The following NECTIN3 variants were observed in gnomAD, a reference collection of about 807,000 sequenced individuals.
The protein encoded by NECTIN3 is nectin cell adhesion molecule 3, also known as nectin-3.
Under a neutral mutation model 49.4 loss-of-function variants are expected in NECTIN3, and 8 were observed. The observed-to-expected ratio is 0.16, with a 90% CI of 0.10 to 0.29. The LOEUF (loss-of-function observed/expected upper bound fraction) is 0.29, where lower values mean the gene tolerates loss of function less well. NECTIN3 is among the 10% of genes least tolerant of loss of function. The pLI, the probability that NECTIN3 is intolerant of heterozygous loss-of-function variation, is 1.00. For missense variants in NECTIN3, 581 were observed against 654.6 expected (o/e 0.89, Z 1.23); for synonymous variants, 277 against 241.1 (o/e 1.15, Z -1.38).
intron 1 of NECTIN3, among the ~76,000 whole-genome samples, chr3:111,085,152 T>C (rs1282678071): frequency 6.6e-6 from 1 of 152,248 alleles, no homozygotes; most frequent in African/African-American, 2.4e-5. Flanking sequence ...GCTACCCCAC[T>C]CAGGTATGAC....
At chr3:111,102,525 G>A (rs193052374) in intron 1 of NECTIN3, among the ~76,000 whole-genome samples, 5 of 152,294 alleles carry the variant, frequency 3.3e-5, no homozygotes, top group Non-Finnish European at 1.5e-5. Context: ...CCTTCTTCAC[G>A]CCTCCACTCA....
chr3:111,136,540 ATG>A lies in NECTIN3; in HGVS notation c.*2327_*2328del, dbSNP rs1421375890. ...TTGCACTGTTGTTTATTAGAACTTTATGTATATTTACTGTACATAGAGACTTG... is the reference window on the plus strand; with the variant it reads ...TTGCACTGTTGTTTATTAGAACTTTATATATTTACTGTACATAGAGACTTG... On this transcript the variant is annotated 3_prime_UTR_variant, in exon 6 of 6. Coordinates refer to ENST00000485303, the MANE Select transcript of NECTIN3 (RefSeq NM_015480.3). 1.0e-6 allele frequency: 1 copy of A among 961,260 alleles called. No homozygotes were observed. The highest frequency in any genetic ancestry group is 1.2e-4 in the East Asian group (1 of 8,692). 59.5% of individuals were successfully genotyped at this position (961,260 alleles called of 1,614,324 possible).
chr3:111,091,566 T>C (rs2032276035), intron 1 of NECTIN3, among the ~76,000 whole-genome samples: 1 of 152,194 alleles, frequency 6.6e-6, no homozygotes. Context: ...TGTGTAGTCT[T>C]TTGTATCTGT....
chr3:111,189,008 C>T (rs2035769666), upstream of NECTIN3, among the ~76,000 whole-genome samples: 1 of 152,154 alleles, frequency 6.6e-6, no homozygotes, highest in Admixed American at 6.6e-5. Context: ...AAGGAATAGT[C>T]AAGGACTATG....
chr3:111,153,803 A>G (rs1394810389), intron 7 of NECTIN3, among the ~76,000 whole-genome samples: 1 of 152,044 alleles, frequency 6.6e-6, no homozygotes, highest in Non-Finnish European at 1.5e-5. Flanking sequence ...GATTCATAGT[A>G]GTGTTTAGTT....
At chr3:111,107,305 T>A (rs2033227014) in intron 1 of NECTIN3, among the ~76,000 whole-genome samples, 1 of 152,208 alleles carries the variant, frequency 6.6e-6, no homozygotes, top group Non-Finnish European at 1.5e-5. Context: ...ATGGTTGTAG[T>A]GTTTTTGTGG....
intron 1 of NECTIN3, among the ~76,000 whole-genome samples, chr3:111,089,107 G>A (rs879932607): frequency 3.3e-5 from 5 of 151,954 alleles, no homozygotes; most frequent in Non-Finnish European, 5.9e-5. Flanking sequence ...TTTTCTTATC[G>A]TCTTTTTAAT....
intron 5 of NECTIN3, among the ~76,000 whole-genome samples, chr3:111,142,725 T>C (rs2034778715): frequency 6.6e-6 from 1 of 151,268 alleles, no homozygotes; most frequent in Non-Finnish European, 1.5e-5. Flanking sequence ...AAAAAATTTA[T>C]AATGATCTCT....
chr3:111,118,272 A>ATATATATATATG (rs2033787976), intron 2 of NECTIN3, among the ~76,000 whole-genome samples: 1 of 135,810 alleles, frequency 7.4e-6, no homozygotes, highest in Admixed American at 7.5e-5. Context: ...ATATATATAT[A>ATATATATATATG]TATATATATA....
intron 1 of NECTIN3, among the ~76,000 whole-genome samples, chr3:111,093,636 A>G (rs776588452): frequency 2.0e-5 from 3 of 152,034 alleles, no homozygotes; most frequent in Non-Finnish European, 2.9e-5. Context: ...GGGTTTTACC[A>G]TGTTAGCCAG....
rs544687812 is a variant in NECTIN3, at chr3:111,089,440, A to C, written c.160+17263A>C. On this transcript the variant is annotated intron_variant, in intron 1 of 5. Transcript: ENST00000485303. The stretch of plus-strand genomic sequence containing the variant: ...GTGTGTGTGTGTGTGTATGTATATA[A>C]ACATATACATACACACACATATATG... Among the ~76,000 whole-genome samples, 5,840 of 149,212 alleles carry C rather than the reference A, an allele frequency of 0.039. 650 individuals carry two copies. The East Asian group carries it at 0.44, about 11-fold the overall frequency.
intron 1 of NECTIN3, among the ~76,000 whole-genome samples, chr3:111,080,896 A>G (rs1559764466): frequency 6.6e-6 from 1 of 152,184 alleles, no homozygotes; most frequent in Non-Finnish European, 1.5e-5. Flanking sequence ...TTACAGAAAT[A>G]TTAGTAAGGG....
chr3:111,183,247 A>G (rs569507343), intron 7 of NECTIN3, among the ~76,000 whole-genome samples: 1 of 151,808 alleles, frequency 6.6e-6, no homozygotes, highest in East Asian at 1.9e-4. Flanking sequence ...CAACCTGAAT[A>G]CCTTTTCCAT....
At chr3:111,160,258 T>G (rs1399904687) in intron 7 of NECTIN3, among the ~76,000 whole-genome samples, 1 of 152,196 alleles carries the variant, frequency 6.6e-6, no homozygotes, top group Admixed American at 6.5e-5. Flanking sequence ...CTTAATATCT[T>G]AAAATCCCTG....
At chr3:111,113,488 A>G (rs1361401891) in intron 2 of NECTIN3, among the ~76,000 whole-genome samples, 2 of 152,156 alleles carry the variant, frequency 1.3e-5, no homozygotes, top group African/African-American at 2.4e-5. Context: ...TAGGACAGCA[A>G]TTTTGTCCAA....
At position 111,137,005 on chromosome 3, in the gene NECTIN3, G is replaced by A; in HGVS notation, c.*2790G>A. 1 of 976,100 alleles carries A rather than the reference G, an allele frequency of 1.0e-6. No homozygotes were observed. The highest frequency in any genetic ancestry group is 1.2e-6 in the Non-Finnish European group (1 of 821,688). The allele number at this position is 976,100 out of a possible 1,614,324, so 60.5% of individuals were successfully genotyped here. A position where few individuals can be genotyped will look rare whatever the true frequency, so the allele number is the denominator to read the frequency against. On this transcript the variant is annotated 3_prime_UTR_variant, in exon 6 of 6. Coordinates refer to ENST00000485303, the MANE Select transcript of NECTIN3 (RefSeq NM_015480.3). ...GAGGAAACTATTAAGGTTTTCAGTA[G>A]TAAGTGTTGCTTCTAATAGCCATAT...
At chr3:111,094,961 T>C (rs1211582726) in intron 1 of NECTIN3, among the ~76,000 whole-genome samples, 1 of 152,230 alleles carries the variant, frequency 6.6e-6, no homozygotes. Context: ...AAGTCTTTTT[T>C]TTCAAGGATA....
rs2034606491 is a variant in NECTIN3, at chr3:111,137,113, T to C, written c.*2898T>C. On this transcript the variant is annotated 3_prime_UTR_variant, in exon 6 of 6. Transcript: ENST00000485303. Reference sequence around the variant, plus strand: ...GAGTACAGTGTATAAGTACAGAAATTGAGAGAAATGTAGTCATTTTATATG... The same window carrying C: ...GAGTACAGTGTATAAGTACAGAAATCGAGAGAAATGTAGTCATTTTATATG... 1.0e-6 allele frequency: 1 copy of C among 979,088 alleles called. No homozygotes were observed. Among genetic ancestry groups the C allele is most frequent in the African/African-American group, 1.8e-5 (1 of 57,018 alleles). The allele number at this position is 979,088 out of a possible 1,614,324, so 60.7% of individuals were successfully genotyped here.
chr3:111,154,161 C>G (rs113283205), intron 7 of NECTIN3, among the ~76,000 whole-genome samples: 11 of 152,256 alleles, frequency 7.2e-5, no homozygotes, highest in East Asian at 3.9e-4. Flanking sequence ...AATCTCCCCC[C>G]TCTAGTCCTT....
Sources: gnomAD v4.1 joint callset for allele counts (sites outside exome capture counted in the v4.1 genomes callset) on GRCh38, gnomAD v4.1.1 for gene constraint, MANE v1.5 for transcripts, NCBI Gene and HGNC (gene_info 2026-07-23, HGNC 2026-07-21) for gene names.